The following OR10G3 variants were observed in gnomAD, a reference collection of about 807,000 sequenced individuals.
OR10G3 encodes the protein olfactory receptor 10G3.
A neutral mutation model predicts 13.4 loss-of-function variants in OR10G3; 8 were observed. That is an observed-to-expected ratio of 0.60 (90% CI 0.35 to 1.08). The LOEUF (loss-of-function observed/expected upper bound fraction) is 1.08, where lower values mean the gene tolerates loss of function less well. Ranked by LOEUF, OR10G3 falls within the 50% of genes least tolerant of loss-of-function variation. The pLI is 0.02. For synonymous variants in OR10G3, 142 were observed against 156.1 expected (o/e 0.91, Z 0.67); for missense variants, 393 against 386.6 (o/e 1.02, Z -0.14).
intron 1 of OR10G3, among the ~76,000 whole-genome samples, chr14:21,572,547 A>C (rs1487845610): frequency 6.9e-6 from 1 of 145,798 alleles, no homozygotes; most frequent in Admixed American, 7.0e-5. Context: ...CAATGAGCAG[A>C]GATTGCACGG....
intron 1 of OR10G3, among the ~76,000 whole-genome samples, chr14:21,578,285 C>T (rs1052260054): frequency 3.3e-5 from 5 of 151,914 alleles, no homozygotes; most frequent in Non-Finnish European, 4.4e-5. Flanking sequence ...GTGGTATGAG[C>T]CTGTAATCCC....
At chr14:21,575,946 T>A (rs116730786) in intron 1 of OR10G3, among the ~76,000 whole-genome samples, 1 of 152,200 alleles carries the variant, frequency 6.6e-6, no homozygotes, top group Admixed American at 6.5e-5. Context: ...GAGCTACAGA[T>A]GCTGGCCTCC....
At chr14:21,578,990 C>A (rs974759069) in intron 1 of OR10G3, among the ~76,000 whole-genome samples, 13 of 152,126 alleles carry the variant, frequency 8.5e-5, no homozygotes, top group African/African-American at 3.1e-4. Flanking sequence ...TAGCTTTACT[C>A]ATGTCCATTT....
intron 1 of OR10G3, among the ~76,000 whole-genome samples, chr14:21,576,975 T>G (rs1893134469): frequency 6.6e-6 from 1 of 152,208 alleles, no homozygotes. Context: ...TCTAACTTTT[T>G]GCTCCTCAGT....
At position 21,572,611 on chromosome 14, in the gene OR10G3, A is replaced by T. The variant is rs1893083860; in HGVS notation, c.-17-1850T>A. Among the ~76,000 whole-genome samples, 3 of 11,052 alleles carry T rather than the reference A, an allele frequency of 2.7e-4. No individual in the cohort carries two copies. The Admixed American group carries it at 4.9e-3, about 18-fold the overall frequency. The allele number at this position is 11,052 out of a possible 152,430, so 7.3% of individuals were successfully genotyped here. A position where few individuals can be genotyped will look rare whatever the true frequency, so the allele number is the denominator to read the frequency against. On this transcript the variant is annotated intron_variant, in intron 1 of 1. Transcript: ENST00000641040. ...GACTCCATCTCAAACAAACAAACAA[A>T]AAAAAAAAAAAAAAAAAAAAGAAGG...
intron 1 of OR10G3, among the ~76,000 whole-genome samples, chr14:21,573,577 C>A (rs890066184): frequency 6.6e-6 from 1 of 151,454 alleles, no homozygotes; most frequent in Non-Finnish European, 1.5e-5. Context: ...GAGGTCGAGG[C>A]GGCAGAATTG....
chr14:21,573,060 A>G lies in OR10G3; in HGVS notation c.-17-2299T>C, dbSNP rs541314976. 2.0e-5 allele frequency among the ~76,000 whole-genome samples: 3 copies of G among 152,354 alleles called. No homozygotes were observed. The South Asian group carries it at 6.2e-4, about 32-fold the overall frequency. On this transcript the variant is annotated intron_variant, in intron 1 of 1. Transcript: ENST00000641040. ...CAAAATGAATTAAAGACTTAAACATAAGACCTGAAATTGTAAAACTACTGG... is the reference window on the plus strand; with the variant it reads ...CAAAATGAATTAAAGACTTAAACATGAGACCTGAAATTGTAAAACTACTGG...
chr14:21,570,159 T>C lies in OR10G3; in HGVS notation c.586A>G (p.Asn196Asp). ...LRLACADTTV[N>D]ELVTFVDIGV... ...ATGTCTACAAACGTCACCAGCTCGTTGACTGTTGTGTCAGCACAGGCCAGT... is the reference window on the plus strand; with the variant it reads ...ATGTCTACAAACGTCACCAGCTCGTCGACTGTTGTGTCAGCACAGGCCAGT... Residue 196 changes from asparagine to aspartate, a missense_variant, in exon 2 of 2, where the codon AAC (asparagine) becomes GAC (aspartate). By Grantham distance (23) the Asn-to-Asp change is conservative. Transcript: ENST00000641040. 1 of 1,614,218 alleles carries C rather than the reference T, an allele frequency of 6.2e-7. No homozygotes were observed. The highest frequency in any genetic ancestry group is 2.2e-5 in the East Asian group (1 of 44,884).
chr14:21,574,157 G>T (rs1893101570), intron 1 of OR10G3, among the ~76,000 whole-genome samples: 1 of 152,006 alleles, frequency 6.6e-6, no homozygotes, highest in Non-Finnish European at 1.5e-5. Flanking sequence ...CAAAAAATTA[G>T]TCGGGCGTGA....
rs11626669 is a variant in OR10G3, at chr14:21,570,319, G to A, written c.426C>T (p.Ser142=). The A allele has an allele frequency of 0.44, 710,201 of 1,613,802 alleles. 159,141 individuals carry two copies. Among genetic ancestry groups the A allele is most frequent in the Admixed American group, 0.66 (39,375 of 60,012 alleles). Residue 142 remains serine (S), a synonymous_variant, in exon 2 of 2, where the codon AGC becomes AGT. Coordinates refer to ENST00000641040, the MANE Select transcript of OR10G3 (RefSeq NM_001005465.2). Reference sequence around the variant, plus strand: ...TCCAGGCTCCAGCCACAAGCAAGGCGCTCAGCTTAGCAGTCATGAGCACAG... The same window carrying A: ...TCCAGGCTCCAGCCACAAGCAAGGCACTCAGCTTAGCAGTCATGAGCACAG... ...RYPVLMTAKL[S]ALLVAGAWMA...
At chr14:21,572,257 G>A (rs943159259) in intron 1 of OR10G3, among the ~76,000 whole-genome samples, 3 of 101,290 alleles carry the variant, frequency 3.0e-5, no homozygotes, top group Admixed American at 1.5e-4. Flanking sequence ...CTTCACTCCA[G>A]CCTGGGCAAA....
chr14:21,570,645 T>C lies in OR10G3; in HGVS notation c.100A>G (p.Ile34Val), dbSNP rs376168794. The C allele has an allele frequency of 1.1e-4, 174 of 1,612,894 alleles. No individual in the cohort carries two copies. The highest frequency in any genetic ancestry group is 1.4e-4 in the Non-Finnish European group (169 of 1,179,950). The change falls in exon 2 of 2, where the codon ATC becomes GTC. Residue 34 changes from isoleucine (I) to valine (V), a missense_variant. By Grantham distance (29) the Ile-to-Val change is conservative (BLOSUM62 3). Coordinates refer to ENST00000641040, the MANE Select transcript of OR10G3 (RefSeq NM_001005465.2). ...TTTCCCAGCTGAGTCAGGATGTAGA[T>C]TAGAAAAAAGAACACAAAAAAGAGT... ...RTLFFVFFFL[I>V]YILTQLGNLL...
chr14:21,576,809 C>T lies in OR10G3; in HGVS notation c.-18+2977G>A, dbSNP rs1269196041. On this transcript the variant is annotated intron_variant, in intron 1 of 1. Transcript: ENST00000641040. ...CATGATGATTCTTGTTTTATTCAAC[C>T]AGAGAATAGAATTTTCTAACTTTGT... 1.1e-4 allele frequency among the ~76,000 whole-genome samples: 17 copies of T among 152,138 alleles called. 1 individual carries two copies. The highest frequency in any genetic ancestry group is 1.1e-3 in the Admixed American group (17 of 15,258).
chr14:21,578,430 A>G (rs1343339582), intron 1 of OR10G3, among the ~76,000 whole-genome samples: 1 of 152,064 alleles, frequency 6.6e-6, no homozygotes, highest in East Asian at 1.9e-4. Context: ...TAAATAAATA[A>G]TAAATAAACA....
chr14:21,570,855 G>A (rs2139710624), intron 1 of OR10G3, 94 bp from the exon 2 acceptor site: 1 of 690,246 alleles, frequency 1.4e-6, no homozygotes, highest in South Asian at 2.0e-5. Context: ...CAGTGGCAGA[G>A]AAGTTTCTTT....
At chr14:21,574,069 T>C (rs10454680) in intron 1 of OR10G3, among the ~76,000 whole-genome samples, 135,666 of 151,908 alleles carry the variant, frequency 0.89, 60,625 homozygotes, top group East Asian at 0.92. Context: ...TTTGGGAGGC[T>C]GAGGCAGGCG....
intron 1 of OR10G3, among the ~76,000 whole-genome samples, chr14:21,578,857 T>C (rs1388208824): frequency 6.6e-6 from 1 of 152,172 alleles, no homozygotes; most frequent in African/African-American, 2.4e-5. Context: ...ATATATAATA[T>C]GAGAAAAGTT....
At position 21,570,188 on chromosome 14, in the gene OR10G3, A is replaced by G. The variant is rs1893049669; in HGVS notation, c.557T>C (p.Leu186Ser). The G allele has an allele frequency of 6.2e-7, 1 of 1,614,106 alleles. No individual in the cohort carries two copies. The highest frequency in any genetic ancestry group is 8.5e-7 in the Non-Finnish European group (1 of 1,180,044). The change falls in exon 2 of 2, where the codon TTG becomes TCG. Residue 186 changes from leucine to serine, a missense_variant. Transcript: ENST00000641040. Reference protein sequence around the residue: ...DYFFCDIPAVLRLACADTTVN... With the variant: ...DYFFCDIPAVSRLACADTTVN... Reference sequence around the variant, plus strand: ...TGTTGTGTCAGCACAGGCCAGTCTCAACACTGCAGGGATGTCACAGAAGAA... The same window carrying G: ...TGTTGTGTCAGCACAGGCCAGTCTCGACACTGCAGGGATGTCACAGAAGAA...
intron 1 of OR10G3, among the ~76,000 whole-genome samples, chr14:21,571,815 A>G (rs993396460): frequency 1.3e-5 from 2 of 151,962 alleles, no homozygotes; most frequent in Non-Finnish European, 2.9e-5. Flanking sequence ...CTGGGATTAC[A>G]GGCATATGCT....
Sources: allele counts gnomAD v4.1 joint callset (sites outside exome capture counted in the v4.1 genomes callset), GRCh38; gene constraint gnomAD v4.1.1; transcripts MANE v1.5; gene names NCBI Gene and HGNC (gene_info 2026-07-23, HGNC 2026-07-21).